Variants in CDH13 observed in about 807,000 individuals in gnomAD.
CDH13 encodes the protein cadherin 13.
Under a neutral mutation model 63.8 loss-of-function variants are expected in CDH13, and 24 were observed. The ratio of observed to expected loss-of-function variants is 0.38; its 90% CI spans 0.27 to 0.53. The LOEUF (loss-of-function observed/expected upper bound fraction) is 0.53. Ranked by LOEUF, CDH13 falls within the 20% of genes least tolerant of loss-of-function variation. The pLI is 0.85. For synonymous variants in CDH13, 503 were observed against 355.3 expected, an observed-to-expected ratio of 1.42 and a Z score of -4.67; for missense variants, 1,049 against 903.1, an observed-to-expected ratio of 1.16 and a Z score of -2.07.
chr16:83,783,411 G>GGC lies in CDH13; in HGVS notation c.2074_2075dup (p.Gly693GlnfsTer19). ...GGAATTCCAAAGTGGACTGCAACGC[G>GGC]GCAGGGGCCCTGCGCTTCAGCCTGC... is the stretch of plus-strand genomic sequence containing the variant. On this transcript the variant is annotated frameshift_variant, in exon 13 of 14. Coordinates refer to ENST00000567109, the MANE Select transcript of CDH13 (RefSeq NM_001257.5). LOFTEE classifies it high-confidence loss of function. 6.2e-7 allele frequency: 1 copy of GGC among 1,613,990 alleles called. No homozygotes were observed. Among genetic ancestry groups the GGC allele is most frequent in the Non-Finnish European group, 8.5e-7 (1 of 1,179,878 alleles).
intron 4 of CDH13, among the ~76,000 whole-genome samples, chr16:83,192,026 T>C (rs2038733456): frequency 6.6e-6 from 1 of 152,140 alleles, no homozygotes; most frequent in South Asian, 2.1e-4. Flanking sequence ...AAGGGGATAG[T>C]TAAGGCACCT....
chr16:83,577,509 A>G (rs1905169925), intron 7 of CDH13, among the ~76,000 whole-genome samples: 1 of 152,172 alleles, frequency 6.6e-6, no homozygotes, highest in Non-Finnish European at 1.5e-5. Flanking sequence ...TCTTTATTTA[A>G]CACCTTCTTT....
At chr16:82,964,154 C>T (rs924552638) in intron 2 of CDH13, among the ~76,000 whole-genome samples, 3 of 152,108 alleles carry the variant, frequency 2.0e-5, no homozygotes, top group African/African-American at 4.8e-5. Flanking sequence ...CTCATAAATC[C>T]ATAATGGGCC....
intron 6 of CDH13, among the ~76,000 whole-genome samples, chr16:83,434,769 A>T (rs1325246269): frequency 1.3e-5 from 2 of 150,990 alleles, no homozygotes; most frequent in Non-Finnish European, 2.9e-5. Flanking sequence ...CTAACCAAGG[A>T]TATGCCCCAA....
chr16:82,891,302 T>A (rs1462123658), intron 2 of CDH13, among the ~76,000 whole-genome samples: 1 of 152,140 alleles, frequency 6.6e-6, no homozygotes, highest in African/African-American at 2.4e-5. Context: ...AGAAGCAGAT[T>A]TCGTGGAACC....
chr16:83,329,821 C>G (rs962704463), intron 5 of CDH13, among the ~76,000 whole-genome samples: 1 of 152,166 alleles, frequency 6.6e-6, no homozygotes, highest in Non-Finnish European at 1.5e-5. Context: ...ATAATGTCTT[C>G]AAGGTTCACT....
intron 7 of CDH13, among the ~76,000 whole-genome samples, chr16:83,535,428 GAAGTTAGGA>G (rs2075164146): frequency 6.6e-6 from 1 of 152,238 alleles, no homozygotes; most frequent in Non-Finnish European, 1.5e-5. Flanking sequence ...GGATTCAGAA[GAAGTTAGGA>G]AGCTGTTGCA....
At chr16:83,378,894 G>T (rs1286175093) in intron 6 of CDH13, among the ~76,000 whole-genome samples, 1 of 152,072 alleles carries the variant, frequency 6.6e-6, no homozygotes, top group Admixed American at 6.6e-5. Context: ...ATTGTCTCAT[G>T]CTAAACTTGT....
At chr16:82,724,027 A>T (rs1174457991) in intron 1 of CDH13, among the ~76,000 whole-genome samples, 8 of 152,162 alleles carry the variant, frequency 5.3e-5, no homozygotes, top group Non-Finnish European at 1.2e-4. Context: ...AAAATGAACA[A>T]CTTCATTGGT....
intron 1 of CDH13, among the ~76,000 whole-genome samples, chr16:82,654,300 G>C (rs141655142): frequency 6.6e-6 from 1 of 152,032 alleles, no homozygotes; most frequent in African/African-American, 2.4e-5. Flanking sequence ...ATTCAAGGTC[G>C]GTTTCCCAAC....
chr16:82,723,676 C>G (rs564966154), intron 1 of CDH13, among the ~76,000 whole-genome samples: 24 of 152,276 alleles, frequency 1.6e-4, no homozygotes, highest in African/African-American at 5.5e-4. Context: ...AACTCCACAC[C>G]AGATTGCGAC....
intron 1 of CDH13, among the ~76,000 whole-genome samples, chr16:82,698,699 G>T (rs1459057198): frequency 1.3e-5 from 2 of 152,168 alleles, no homozygotes; most frequent in Admixed American, 1.3e-4. Flanking sequence ...TTGTCAAAGA[G>T]GGAGGGCACT....
chr16:83,047,856 G>T lies in CDH13; in HGVS notation c.366+15638G>T, dbSNP rs1277989319. On this transcript the variant is annotated intron_variant, in intron 3 of 13. Coordinates refer to ENST00000567109, the MANE Select transcript of CDH13 (RefSeq NM_001257.5). The surrounding 1 kb of genome is among the most constrained non-coding windows in gnomAD (Gnocchi z 4.9). ...ATCTTTATAATAACTCTATAATATA[G>T]GTCCTATTTTATCTTCATTTTACAG... Among the ~76,000 whole-genome samples the T allele has an allele frequency of 6.6e-6, 1 of 152,204 alleles. No individual in the cohort carries two copies. Among genetic ancestry groups the T allele is most frequent in the Admixed American group, 6.5e-5 (1 of 15,290 alleles).
At chr16:82,796,662 C>T (rs1403619497) in intron 1 of CDH13, among the ~76,000 whole-genome samples, 2 of 152,208 alleles carry the variant, frequency 1.3e-5, no homozygotes, top group Admixed American at 1.3e-4. Context: ...TGTGTAATGC[C>T]TCGCTCAATC....
intron 4 of CDH13, among the ~76,000 whole-genome samples, chr16:83,192,745 A>G (rs1703031378): frequency 6.6e-6 from 1 of 152,082 alleles, no homozygotes; most frequent in South Asian, 2.1e-4. Context: ...GAGGGACTAT[A>G]CAGACACTTT....
intron 8 of CDH13, among the ~76,000 whole-genome samples, chr16:83,647,216 A>G (rs1314512441): frequency 6.6e-6 from 1 of 151,660 alleles, no homozygotes; most frequent in East Asian, 1.9e-4. Context: ...AGGCTGAGGC[A>G]GGAGAATGGC....
Position 83,160,917 on chromosome 16 carries a change from G to A in CDH13, c.483+35416G>A, listed in dbSNP as rs75887987. Among the ~76,000 whole-genome samples the A allele has an allele frequency of 7.8e-3, 1,183 of 152,198 alleles. 19 individuals carry two copies. The highest frequency in any genetic ancestry group is 0.027 in the African/African-American group (1,138 of 41,536). ...TAATTCCTCCAGTACACATTTTTCC[G>A]TTACTGGGACTTGATACAATGCTGG... On this transcript the variant is annotated intron_variant, in intron 4 of 13. Transcript: ENST00000567109.
intron 7 of CDH13, among the ~76,000 whole-genome samples, chr16:83,542,208 C>T (rs1376988975): frequency 6.6e-6 from 1 of 152,194 alleles, no homozygotes; most frequent in Non-Finnish European, 1.5e-5. Context: ...TCACTCTAGA[C>T]CAGCAGTTCT....
chr16:83,180,025 G>C (rs994074283), intron 4 of CDH13, among the ~76,000 whole-genome samples: 6 of 152,014 alleles, frequency 3.9e-5, no homozygotes, highest in African/African-American at 7.2e-5. Flanking sequence ...TTTTAGAGTA[G>C]ATTTCCCTCT....
Sources: allele counts gnomAD v4.1 joint callset (sites outside exome capture counted in the v4.1 genomes callset), GRCh38; gene constraint gnomAD v4.1.1; non-coding constraint Gnocchi (gnomAD v3.1); transcripts MANE v1.5; gene names NCBI Gene and HGNC (gene_info 2026-07-23, HGNC 2026-07-21).